DNAJB2: variants seen among roughly 807,000 people sequenced by gnomAD.
DNAJB2 encodes DnaJ heat shock protein family (Hsp40) member B2, also known as dnaJ homolog subfamily B member 2.
DNAJB2 carries 19 observed loss-of-function variants against 33.3 expected under a neutral mutation model. The observed-to-expected ratio is 0.57, with a 90% confidence interval of 0.40 to 0.84. The LOEUF (loss-of-function observed/expected upper bound fraction) is 0.84, where lower values mean the gene tolerates loss of function less well. DNAJB2 is among the 40% of genes least tolerant of loss of function. The pLI is 0.00. For synonymous variants in DNAJB2, 172 were observed against 164.6 expected (o/e 1.04, Z -0.34); for missense variants, 368 against 430.9 (o/e 0.85, Z 1.29).
rs1236042919 is a variant in DNAJB2, at chr2:219,281,617, A to G, written c.176-101A>G. The G allele has an allele frequency of 4.0e-6, 6 of 1,516,378 alleles. No homozygotes were observed. In the East Asian group the frequency reaches 1.4e-4, roughly 34 times the overall value. 93.9% of individuals were successfully genotyped at this position (1,516,378 alleles called of 1,614,324 possible). ...CTGCTGTGCCTGCTTTCCCCCGCCAAGTGTCAGAGTGTCAGTCTCTGGACA... is the reference window on the plus strand; with the variant it reads ...CTGCTGTGCCTGCTTTCCCCCGCCAGGTGTCAGAGTGTCAGTCTCTGGACA... On this transcript the variant is annotated intron_variant, in intron 3 of 8. Transcript: ENST00000336576.
In DNAJB2 at chr2:219,279,455, A is replaced by G. The variant is rs1951883372; in HGVS notation, c.-100A>G. The G allele has an allele frequency of 1.5e-5, 3 of 195,056 alleles. No homozygotes were observed. In the South Asian group the frequency reaches 2.7e-4, roughly 18 times the overall value. 12.1% of individuals were successfully genotyped at this position (195,056 alleles called of 1,614,324 possible). On this transcript the variant is annotated 5_prime_UTR_variant, in exon 1 of 9. Transcript: ENST00000336576. The surrounding 1 kb of genome is among the most constrained non-coding windows in gnomAD (Gnocchi z 4.9). Reference sequence around the variant, plus strand: ...AGCCGCGAGCCGGGCTGCGGGTGCCAGACGGTTCCCGGCGGGGGGCAGGGG... The same window carrying G: ...AGCCGCGAGCCGGGCTGCGGGTGCCGGACGGTTCCCGGCGGGGGGCAGGGG...
intron 2 of DNAJB2, chr2:219,280,176 C>T (rs960398003): frequency 1.9e-6 from 1 of 535,168 alleles, no homozygotes; most frequent in Non-Finnish European, 3.3e-6. Context: ...CTCCTCCTTT[C>T]CCCTCCCCTC....
rs1951944582 is a variant in DNAJB2 at position 219,285,236 on chromosome 2, C to T, written c.*249C>T. On this transcript the variant is annotated 3_prime_UTR_variant, in exon 9 of 9. Transcript: ENST00000336576. ...AGGGCAGTGGAGGGGCCCGAGGAGCCAGGTTGCATTTATTGGATGGGGAGC... is the reference window on the plus strand; with the variant it reads ...AGGGCAGTGGAGGGGCCCGAGGAGCTAGGTTGCATTTATTGGATGGGGAGC... 8.3e-7 allele frequency: 1 copy of T among 1,210,708 alleles called. No homozygotes were observed. The highest frequency in any genetic ancestry group is 1.6e-5 in the African/African-American group (1 of 64,476). 75.0% of individuals were successfully genotyped at this position (1,210,708 alleles called of 1,614,324 possible). A position where few individuals can be genotyped will look rare whatever the true frequency, so the allele number is the denominator to read the frequency against.
chr2:219,280,698 G>T lies in DNAJB2; in HGVS notation c.175+11G>T. On this transcript the variant is annotated intron_variant, in intron 3 of 8. Coordinates refer to ENST00000336576, the MANE Select transcript of DNAJB2 (RefSeq NM_006736.6). Reference sequence around the variant, plus strand: ...AAGTGCTGTCTGACAGTAAGGGCCGGGGTCAGGCAGGACCCAGCACATCAC... The same window carrying T: ...AAGTGCTGTCTGACAGTAAGGGCCGTGGTCAGGCAGGACCCAGCACATCAC... The T allele has an allele frequency of 1.1e-5, 17 of 1,591,372 alleles. No homozygotes were observed. Among genetic ancestry groups the T allele is most frequent in the Non-Finnish European group, 1.2e-5 (14 of 1,159,888 alleles).
Position 219,284,997 on chromosome 2 carries a change from C to G in DNAJB2, c.*10C>G, listed in dbSNP as rs1033295135. 3.4e-6 allele frequency: 5 copies of G among 1,478,572 alleles called. No individual in the cohort carries two copies. The South Asian group carries it at 4.1e-5, about 12-fold the overall frequency. The allele number at this position is 1,478,572 out of a possible 1,614,324, so 91.6% of individuals were successfully genotyped here. On this transcript the variant is annotated 3_prime_UTR_variant, in exon 9 of 9. Coordinates refer to ENST00000336576, the MANE Select transcript of DNAJB2 (RefSeq NM_006736.6). ...CTGCCTCATCCTCTGAACACCGGGC[C>G]CAACCTGATCTGATCCAGATCTTGA...
At position 219,286,746 on chromosome 2, in the gene DNAJB2, C is replaced by T. The variant is rs1478525633; in HGVS notation, c.*1759C>T. On this transcript the variant is annotated 3_prime_UTR_variant, in exon 9 of 9. Coordinates refer to ENST00000336576, the MANE Select transcript of DNAJB2 (RefSeq NM_006736.6). ...CAACATCACAGATGAACTGCCTCTC[C>T]TCCTCCCTGCCTGGGGAGCCCAGTG... 2 of 152,298 alleles carry T rather than the reference C, an allele frequency of 1.3e-5. No individual in the cohort carries two copies. The highest frequency in any genetic ancestry group is 2.9e-5 in the Non-Finnish European group (2 of 68,084). 9.4% of individuals were successfully genotyped at this position (152,298 alleles called of 1,614,324 possible).
In DNAJB2 at chr2:219,281,815, G is replaced by A. The variant is rs752224503; in HGVS notation, c.229+44G>A. The stretch of plus-strand genomic sequence containing the variant: ...CCCAGGAATGGAGGTGGGGCAGGGA[G>A]GAGAGGGGCAGGGCAGATTCTTGCA... On this transcript the variant is annotated intron_variant, in intron 4 of 8. Transcript: ENST00000336576. 6 of 1,613,722 alleles carry A rather than the reference G, an allele frequency of 3.7e-6. No individual in the cohort carries two copies. The South Asian group carries it at 6.6e-5, about 18-fold the overall frequency.
intron 2 of DNAJB2, 128 bp downstream of exon 2, chr2:219,280,026 C>G: frequency 1.0e-6 from 1 of 962,312 alleles, no homozygotes; most frequent in Non-Finnish European, 1.6e-6. Context: ...GTGCTTCTTC[C>G]GAGTGACACC....
intron 6 of DNAJB2, 50 bp from the exon 7 acceptor site, chr2:219,283,083 G>T (rs572034536): frequency 6.2e-7 from 1 of 1,603,714 alleles, no homozygotes; most frequent in Non-Finnish European, 8.5e-7. Flanking sequence ...AACAGGCAGC[G>T]CAGTCTTCTT....
Position 219,282,240 on chromosome 2 carries a change from C to T in DNAJB2, c.352+179C>T, listed in dbSNP as rs143989952. On this transcript the variant is annotated intron_variant, in intron 5 of 8. Coordinates refer to ENST00000336576, the MANE Select transcript of DNAJB2 (RefSeq NM_006736.6). ...AGAACCTCACGTGTGCCAGAACCCC[C>T]GTAATCCAACAGTGACACTTCACAG... 1.3e-3 allele frequency: 1,051 copies of T among 823,792 alleles called. 8 individuals carry two copies. In the African/African-American group the frequency reaches 0.015, roughly 12 times the overall value. The allele number at this position is 823,792 out of a possible 1,614,324, so 51.0% of individuals were successfully genotyped here.
At position 219,285,616 on chromosome 2, in the gene DNAJB2, A is replaced by G. The variant is rs995955466; in HGVS notation, c.*629A>G. ...TCCTTCCTTCCCCGAGAAGGCCTCA[A>G]TGTGGCGAGGAAGATGCTGGGGCCG... On this transcript the variant is annotated 3_prime_UTR_variant, in exon 9 of 9. Coordinates refer to ENST00000336576, the MANE Select transcript of DNAJB2 (RefSeq NM_006736.6). 1.6e-5 allele frequency: 17 copies of G among 1,087,174 alleles called. No homozygotes were observed. The highest frequency in any genetic ancestry group is 9.8e-5 in the African/African-American group (6 of 61,128). 67.3% of individuals were successfully genotyped at this position (1,087,174 alleles called of 1,614,324 possible). A position where few individuals can be genotyped will look rare whatever the true frequency, so the allele number is the denominator to read the frequency against.
At position 219,285,746 on chromosome 2, in the gene DNAJB2, A is replaced by T; in HGVS notation, c.*759A>T. ...CACTCCTCCTCCCTCTCGTTGCCTC[A>T]GCCTGCCCTCACCCTCAGGACTAGG... On this transcript the variant is annotated 3_prime_UTR_variant, in exon 9 of 9. Transcript: ENST00000336576. The T allele has an allele frequency of 7.8e-7, 1 of 1,286,696 alleles. No homozygotes were observed. Among genetic ancestry groups the T allele is most frequent in the Non-Finnish European group, 9.9e-7 (1 of 1,012,430 alleles). 79.7% of individuals were successfully genotyped at this position (1,286,696 alleles called of 1,614,324 possible). A position where few individuals can be genotyped will look rare whatever the true frequency, so the allele number is the denominator to read the frequency against.
intron 2 of DNAJB2, 68 bp from the exon 3 acceptor site, chr2:219,280,510 T>C: frequency 7.7e-7 from 1 of 1,304,966 alleles, no homozygotes; most frequent in Non-Finnish European, 1.1e-6. Context: ...AAACAGGTCG[T>C]TCGGTTCCTG....
In DNAJB2 at chr2:219,281,964, T is replaced by C. The variant is rs750840887; in HGVS notation, c.255T>C (p.Ala85=). Residue 85 remains alanine (A), a synonymous_variant, in exon 5 of 9, where the codon GCT becomes GCC. Coordinates refer to ENST00000336576, the MANE Select transcript of DNAJB2 (RefSeq NM_006736.6). ...GTGTGPSRAE[A]GSGGPGFTFT... is the part of the protein sequence containing the mutation. ...GAACTGGCCCATCTCGGGCAGAAGC[T>C]GGCAGTGGTGGGCCTGGCTTCACCT... 5.0e-6 allele frequency: 8 copies of C among 1,614,218 alleles called. No individual in the cohort carries two copies. Among genetic ancestry groups the C allele is most frequent in the Non-Finnish European group, 6.8e-6 (8 of 1,180,044 alleles).
At chr2:219,282,104 T>C (rs749000825) in intron 5 of DNAJB2, 43 bp downstream of exon 5, 5 of 1,613,784 alleles carry the variant, frequency 3.1e-6, no homozygotes, top group Non-Finnish European at 3.4e-6. Context: ...AACTTCCCCC[T>C]CCAGGCCTGT....
In DNAJB2 at chr2:219,283,117, C is replaced by T. The variant is rs183788853; in HGVS notation, c.446-16C>T. 82 of 1,613,894 alleles carry T rather than the reference C, an allele frequency of 5.1e-5. No homozygotes were observed. The East Asian group carries it at 1.8e-3, about 36-fold the overall frequency. On this transcript the variant is annotated splice_polypyrimidine_tract_variant and intron_variant, in intron 6 of 8. Transcript: ENST00000336576. ...TTCTAACCACCTCTCCTCCTCCTCCCTTGTCCCGATGCCAGATTTCTCCTC... is the reference window on the plus strand; with the variant it reads ...TTCTAACCACCTCTCCTCCTCCTCCTTTGTCCCGATGCCAGATTTCTCCTC...
chr2:219,286,142 G>GGGGGGGGGGGGGGGGGGC lies in DNAJB2; in HGVS notation c.*1155_*1156insGGGGGGGGGGGGGGGGGC. ...TGGGTGGCGGGTGGGGGCCGGGTGG[G>GGGGGGGGGGGGGGGGGGC]AGGTGGCAGTAGTCTTAGCCTGTGC... is the stretch of plus-strand genomic sequence containing the variant. On this transcript the variant is annotated 3_prime_UTR_variant, in exon 9 of 9. Transcript: ENST00000336576. 1 of 338,782 alleles carries GGGGGGGGGGGGGGGGGGC rather than the reference G, an allele frequency of 3.0e-6. No homozygotes were observed. The highest frequency in any genetic ancestry group is 6.0e-6 in the Non-Finnish European group (1 of 166,110). The allele number at this position is 338,782 out of a possible 1,614,324, so 21.0% of individuals were successfully genotyped here. A position where few individuals can be genotyped will look rare whatever the true frequency, so the allele number is the denominator to read the frequency against.
chr2:219,281,915 T>G (rs546107193), intron 4 of DNAJB2, 24 bp from the exon 5 acceptor site: 3 of 1,613,260 alleles, frequency 1.9e-6, no homozygotes, highest in Non-Finnish European at 1.7e-6. Context: ...TGCCCTAAGC[T>G]CTCTCCTCAT....
chr2:219,283,345 G>A (rs559746196), intron 7 of DNAJB2, 74 bp from the exon 8 acceptor site: 13 of 1,606,856 alleles, frequency 8.1e-6, no homozygotes, highest in African/African-American at 2.7e-5. Context: ...TCTCTACTGC[G>A]GTGGCCAGAA....
Sources: allele counts gnomAD v4.1 joint callset, GRCh38; gene constraint gnomAD v4.1.1; non-coding constraint Gnocchi (gnomAD v3.1); transcripts MANE v1.5; gene names NCBI Gene and HGNC (gene_info 2026-07-23, HGNC 2026-07-21).